GRM8: variants seen among roughly 807,000 people sequenced by gnomAD.
GRM8 encodes the protein metabotropic glutamate receptor 8.
Under a neutral mutation model 87.2 loss-of-function variants are expected in GRM8, and 47 were observed. The ratio of observed to expected loss-of-function variants is 0.54; its 90% CI spans 0.43 to 0.69. The LOEUF (loss-of-function observed/expected upper bound fraction) is 0.69. GRM8 is among the 30% of genes least tolerant of loss of function. The probability of loss-of-function intolerance (pLI) is 0.00; values close to 1 mark genes in which losing one functional copy is unlikely to be tolerated. For missense variants in GRM8, 1,019 were observed against 1,139.2 expected (o/e 0.89, Z 1.52); for synonymous variants, 396 against 404.5 (o/e 0.98, Z 0.25).
intron 6 of GRM8, among the ~76,000 whole-genome samples, chr7:126,898,877 G>C (rs566864244): frequency 2.6e-5 from 4 of 152,064 alleles, no homozygotes; most frequent in Middle Eastern, 3.4e-3. Flanking sequence ...CCATCATCTA[G>C]GTTTTAAGCC....
At chr7:126,987,956 T>C (rs1219636104) in intron 3 of GRM8, among the ~76,000 whole-genome samples, 2 of 152,212 alleles carry the variant, frequency 1.3e-5, no homozygotes, top group African/African-American at 4.8e-5. Flanking sequence ...GGAAATAATC[T>C]TGTGATTTAA....
intron 2 of GRM8, among the ~76,000 whole-genome samples, chr7:127,144,658 A>G (rs1212306411): frequency 6.6e-6 from 1 of 152,166 alleles, no homozygotes; most frequent in Non-Finnish European, 1.5e-5. Context: ...TCAAGTATAC[A>G]TCAATATAAA....
At chr7:126,808,327 G>A (rs1230288339) in intron 6 of GRM8, among the ~76,000 whole-genome samples, 2 of 152,120 alleles carry the variant, frequency 1.3e-5, no homozygotes, top group Admixed American at 6.5e-5. Flanking sequence ...ATACTTGCAA[G>A]TATTAAAAAC....
At chr7:126,457,828 T>C (rs1803426404) in intron 9 of GRM8, among the ~76,000 whole-genome samples, 1 of 148,004 alleles carries the variant, frequency 6.8e-6, no homozygotes, top group Non-Finnish European at 1.5e-5. Context: ...AAATGTAACA[T>C]AAAGAAAATC....
intron 8 of GRM8, among the ~76,000 whole-genome samples, chr7:126,560,360 T>C (rs978578777): frequency 7.9e-5 from 12 of 152,192 alleles, no homozygotes; most frequent in African/African-American, 2.7e-4. Context: ...GAAAATTATA[T>C]AAAAATTACT....
At chr7:126,887,374 AG>A (rs1322495131) in intron 6 of GRM8, among the ~76,000 whole-genome samples, 20 of 152,242 alleles carry the variant, frequency 1.3e-4, no homozygotes, top group African/African-American at 4.8e-4. Flanking sequence ...TCAAGGAAAA[AG>A]ATTTTTGGCC....
At chr7:126,827,450 C>T (rs1299763775) in intron 6 of GRM8, among the ~76,000 whole-genome samples, 1 of 152,062 alleles carries the variant, frequency 6.6e-6, no homozygotes, top group Non-Finnish European at 1.5e-5. Context: ...AATTGGATTC[C>T]TAAGTATTTT....
chr7:126,779,820 G>A (rs1176838683), intron 6 of GRM8, among the ~76,000 whole-genome samples: 3 of 152,108 alleles, frequency 2.0e-5, no homozygotes, highest in African/African-American at 7.2e-5. Flanking sequence ...CCCAGATTAA[G>A]TCCTACCTCT....
intron 3 of GRM8, among the ~76,000 whole-genome samples, chr7:126,981,494 G>A (rs886437215): frequency 3.9e-5 from 6 of 152,152 alleles, no homozygotes; most frequent in South Asian, 2.1e-4. Flanking sequence ...ATCACATAGC[G>A]AGGAAGTTGA....
At chr7:126,463,110 G>A (rs1434951527) in intron 9 of GRM8, among the ~76,000 whole-genome samples, 1 of 150,726 alleles carries the variant, frequency 6.6e-6, no homozygotes, top group Non-Finnish European at 1.5e-5. Flanking sequence ...TAATGTGTGT[G>A]CACTTTTCCC....
intron 3 of GRM8, among the ~76,000 whole-genome samples, chr7:126,918,573 A>C (rs778551485): frequency 2.0e-5 from 3 of 152,254 alleles, no homozygotes; most frequent in Non-Finnish European, 4.4e-5. Flanking sequence ...ACTCAATAAA[A>C]TGTAATCACA....
chr7:126,473,759 C>A (rs991565259), intron 9 of GRM8, among the ~76,000 whole-genome samples: 6 of 152,120 alleles, frequency 3.9e-5, no homozygotes, highest in Admixed American at 3.9e-4. Context: ...TGGGAGGGAC[C>A]CATTTGGAGG....
chr7:126,439,194 A>C (rs771228888), intron 10 of GRM8, 26 bp from the exon 11 acceptor site: 10 of 1,233,496 alleles, frequency 8.1e-6, no homozygotes, highest in Non-Finnish European at 1.2e-5. Context: ...AGGACAAATT[A>C]AAATAGTATA....
intron 6 of GRM8, among the ~76,000 whole-genome samples, chr7:126,820,889 C>T (rs1425888900): frequency 3.3e-5 from 5 of 152,296 alleles, no homozygotes; most frequent in Admixed American, 3.3e-4. Flanking sequence ...TCGCTTGAGG[C>T]CAGGAGTTTG....
intron 3 of GRM8, among the ~76,000 whole-genome samples, chr7:126,960,022 G>T (rs1019832171): frequency 3.9e-5 from 6 of 151,954 alleles, no homozygotes; most frequent in Non-Finnish European, 7.4e-5. Context: ...TATTATTTTT[G>T]TTATTGAGCT....
At chr7:126,464,910 C>T (rs554962479) in intron 9 of GRM8, among the ~76,000 whole-genome samples, 1 of 151,740 alleles carries the variant, frequency 6.6e-6, no homozygotes, top group East Asian at 2.0e-4. Context: ...AGTCTTTTTA[C>T]TCAAGATGGG....
At chr7:126,580,120 T>C (rs1795473513) in intron 8 of GRM8, among the ~76,000 whole-genome samples, 1 of 152,192 alleles carries the variant, frequency 6.6e-6, no homozygotes, top group Non-Finnish European at 1.5e-5. Flanking sequence ...ATGATGGTTT[T>C]CTCTGAGGGC....
chr7:127,135,940 T>C (rs1827925634), intron 2 of GRM8, among the ~76,000 whole-genome samples: 1 of 152,046 alleles, frequency 6.6e-6, no homozygotes, highest in Non-Finnish European at 1.5e-5. Context: ...ATTGTAGGAG[T>C]CCCACAGAAG....
At chr7:127,209,686 C>T (rs1193191649) in intron 2 of GRM8, among the ~76,000 whole-genome samples, 3 of 152,194 alleles carry the variant, frequency 2.0e-5, no homozygotes, top group African/African-American at 4.8e-5. Flanking sequence ...GTTCAGTCCT[C>T]TGGCCCTCCC....
Sources: allele counts gnomAD v4.1 joint callset (sites outside exome capture counted in the v4.1 genomes callset), GRCh38; gene constraint gnomAD v4.1.1; transcripts MANE v1.5; gene names NCBI Gene and HGNC (gene_info 2026-07-23, HGNC 2026-07-21).